MAP2K5: variants seen among roughly 807,000 people sequenced by gnomAD.
The protein encoded by MAP2K5 is mitogen-activated protein kinase kinase 5.
In MAP2K5, 49 loss-of-function variants were observed where a neutral mutation model predicts 83.1. The observed-to-expected ratio is 0.59, with a 90% CI of 0.47 to 0.75. The LOEUF (loss-of-function observed/expected upper bound fraction) is 0.75, where lower values mean the gene tolerates loss of function less well. Among genes scored for constraint, MAP2K5 ranks in the 30% least tolerant of loss-of-function variants. The probability of loss-of-function intolerance (pLI) is 0.00; values close to 1 mark genes in which losing one functional copy is unlikely to be tolerated. For missense variants in MAP2K5, 457 were observed against 557.5 expected (o/e 0.82, Z 1.82); for synonymous variants, 202 against 191.8 (o/e 1.05, Z -0.44).
Position 67,748,688 on chromosome 15 carries a change from T to C in MAP2K5, c.1134+87T>C. 3.1e-6 allele frequency: 4 copies of C among 1,278,312 alleles called. No homozygotes were observed. Among genetic ancestry groups the C allele is most frequent in the Admixed American group, 1.8e-5 (1 of 56,642 alleles). The allele number at this position is 1,278,312 out of a possible 1,614,324, so 79.2% of individuals were successfully genotyped here. A position where few individuals can be genotyped will look rare whatever the true frequency, so the allele number is the denominator to read the frequency against. On this transcript the variant is annotated intron_variant, in intron 19 of 21. Coordinates refer to ENST00000178640, the MANE Select transcript of MAP2K5 (RefSeq NM_145160.3). This position sits in a 1 kb window ranked among gnomAD's most constrained non-coding sequence, Gnocchi z 4.0. ...TATTTTGTTTCCTAATGAAGCACAATGCCCAACATCCTTGGAGCAAGTTGT... is the reference window on the plus strand; with the variant it reads ...TATTTTGTTTCCTAATGAAGCACAACGCCCAACATCCTTGGAGCAAGTTGT...
At chr15:67,598,097 C>T (rs964872071) in intron 7 of MAP2K5, among the ~76,000 whole-genome samples, 6 of 151,372 alleles carry the variant, frequency 4.0e-5, no homozygotes, top group South Asian at 2.1e-4. Context: ...CCCAGCTGCT[C>T]GGGAGGCTGA....
chr15:67,713,502 G>C (rs182746314), intron 16 of MAP2K5, among the ~76,000 whole-genome samples: 48 of 152,350 alleles, frequency 3.2e-4, no homozygotes, highest in Admixed American at 5.9e-4. Flanking sequence ...TTGGAAGGCC[G>C]AGGCGGGTTG....
At position 67,786,079 on chromosome 15, in the gene MAP2K5, G is replaced by A. The variant is rs1280617354; in HGVS notation, c.1242+13327G>A. On this transcript the variant is annotated intron_variant, in intron 21 of 21. Transcript: ENST00000178640. The surrounding 1 kb of genome is among the most constrained non-coding windows in gnomAD (Gnocchi z 4.7). Reference sequence around the variant, plus strand: ...TGAAAGTGTTTGTAAACTATGAAGTGCGAGACATACATGGGGCACGAGGTC... The same window carrying A: ...TGAAAGTGTTTGTAAACTATGAAGTACGAGACATACATGGGGCACGAGGTC... 2.6e-5 allele frequency among the ~76,000 whole-genome samples: 4 copies of A among 151,564 alleles called. No homozygotes were observed. Among genetic ancestry groups the A allele is most frequent in the Admixed American group, 1.3e-4 (2 of 15,228 alleles).
Position 67,634,367 on chromosome 15 carries a change from C to CAAAAAAAAAAAAAAAAAAA in MAP2K5, c.585+3464_585+3482dup, listed in dbSNP as rs71142390. ...TGGGTGACAGAGTAAGACCTCATCT[C>CAAAAAAAAAAAAAAAAAAA]AAAAAAAAAAAAAAAAAAAAAAAAA... On this transcript the variant is annotated intron_variant, in intron 9 of 21. Transcript: ENST00000178640. Among the ~76,000 whole-genome samples the CAAAAAAAAAAAAAAAAAAA allele has an allele frequency of 3.1e-4, 15 of 48,578 alleles. 3 individuals are homozygous for CAAAAAAAAAAAAAAAAAAA. Among genetic ancestry groups the CAAAAAAAAAAAAAAAAAAA allele is most frequent in the Non-Finnish European group, 4.4e-4 (11 of 24,804 alleles). The allele number at this position is 48,578 out of a possible 152,430, so 31.9% of individuals were successfully genotyped here.
chr15:67,566,648 A>G (rs180988942), intron 3 of MAP2K5, among the ~76,000 whole-genome samples: 1 of 152,358 alleles, frequency 6.6e-6, no homozygotes, highest in African/African-American at 2.4e-5. Context: ...ATCTCTGCAT[A>G]AGAATAAAAA....
chr15:67,588,482 A>C (rs997341748), intron 6 of MAP2K5, among the ~76,000 whole-genome samples: 1 of 152,222 alleles, frequency 6.6e-6, no homozygotes, highest in Admixed American at 6.5e-5. Context: ...ACATTGTATT[A>C]TAATCACCCC....
intron 9 of MAP2K5, among the ~76,000 whole-genome samples, chr15:67,631,633 C>T (rs2086475858): frequency 1.3e-5 from 2 of 152,180 alleles, no homozygotes; most frequent in African/African-American, 4.8e-5. Context: ...ATGTTCCAGG[C>T]AGTTACCTAG....
Position 67,547,825 on chromosome 15 carries a change from C to T in MAP2K5, c.136-2209C>T, listed in dbSNP as rs909406214. On this transcript the variant is annotated intron_variant, in intron 1 of 21. Coordinates refer to ENST00000178640, the MANE Select transcript of MAP2K5 (RefSeq NM_145160.3). Reference sequence around the variant, plus strand: ...TATATTGTCAAGAGCAGAAGAAGGCCGCTTGGAAATAAGTCACTTTAGCTG... The same window carrying T: ...TATATTGTCAAGAGCAGAAGAAGGCTGCTTGGAAATAAGTCACTTTAGCTG... 2.9e-4 allele frequency among the ~76,000 whole-genome samples: 44 copies of T among 152,084 alleles called. 1 individual carries two copies. Among genetic ancestry groups the T allele is most frequent in the Admixed American group, 2.2e-3 (34 of 15,266 alleles).
intron 19 of MAP2K5, among the ~76,000 whole-genome samples, chr15:67,763,777 G>A (rs2089994939): frequency 6.6e-6 from 1 of 151,942 alleles, no homozygotes; most frequent in Admixed American, 6.6e-5. Flanking sequence ...ACCAATTTAG[G>A]GTCTGACAGG....
chr15:67,547,757 C>T (rs927648463), intron 1 of MAP2K5, among the ~76,000 whole-genome samples: 2 of 152,140 alleles, frequency 1.3e-5, no homozygotes, highest in Admixed American at 6.5e-5. Flanking sequence ...GCGCCCATCC[C>T]GGTTTTCTTT....
chr15:67,648,454 C>T (rs1296790213), intron 11 of MAP2K5, among the ~76,000 whole-genome samples: 3 of 152,100 alleles, frequency 2.0e-5, no homozygotes, highest in African/African-American at 7.2e-5. Context: ...GGCTATACTA[C>T]ATTTTGTTTA....
intron 2 of MAP2K5, among the ~76,000 whole-genome samples, chr15:67,550,299 A>G (rs188657677): frequency 6.6e-6 from 1 of 152,318 alleles, no homozygotes; most frequent in East Asian, 1.9e-4. Flanking sequence ...ATATTTCTAC[A>G]ATATAGCTTT....
At chr15:67,583,810 AGT>A (rs2085234322) in intron 4 of MAP2K5, among the ~76,000 whole-genome samples, 1 of 152,028 alleles carries the variant, frequency 6.6e-6, no homozygotes, top group Non-Finnish European at 1.5e-5. Flanking sequence ...GCTGGAGTGC[AGT>A]GTGTGCTCAC....
chr15:67,799,349 G>C (rs549111948), intron 21 of MAP2K5, among the ~76,000 whole-genome samples: 1 of 152,374 alleles, frequency 6.6e-6, no homozygotes, highest in African/African-American at 2.4e-5. Context: ...CTCAAGTGCA[G>C]GACCTGTGCT....
At chr15:67,643,813 G>A (rs1223271385) in intron 9 of MAP2K5, among the ~76,000 whole-genome samples, 3 of 151,904 alleles carry the variant, frequency 2.0e-5, no homozygotes, top group Non-Finnish European at 4.4e-5. Flanking sequence ...CCAAATCAAC[G>A]CCTGGCCAAT....
chr15:67,664,026 C>T (rs1207770623), intron 12 of MAP2K5, among the ~76,000 whole-genome samples: 1 of 152,154 alleles, frequency 6.6e-6, no homozygotes, highest in Non-Finnish European at 1.5e-5. Context: ...TAGGTACTTC[C>T]AGATTATTTT....
At chr15:67,618,969 T>C (rs1392992573) in intron 8 of MAP2K5, among the ~76,000 whole-genome samples, 2 of 152,174 alleles carry the variant, frequency 1.3e-5, no homozygotes, top group African/African-American at 4.8e-5. Context: ...CTTATATCAC[T>C]TGGAATAAAA....
At chr15:67,639,800 A>G (rs1454668447) in intron 9 of MAP2K5, among the ~76,000 whole-genome samples, 2 of 152,106 alleles carry the variant, frequency 1.3e-5, no homozygotes, top group Non-Finnish European at 2.9e-5. Flanking sequence ...GCACTTTCTC[A>G]CTTCAACACT....
chr15:67,693,248 G>T (rs756978443), intron 14 of MAP2K5, among the ~76,000 whole-genome samples: 34 of 152,196 alleles, frequency 2.2e-4, no homozygotes, highest in South Asian at 2.1e-4. Context: ...GCGGGTTTGG[G>T]ATACTAAAGC....
Sources: gnomAD v4.1 joint callset for allele counts (sites outside exome capture counted in the v4.1 genomes callset) on GRCh38, gnomAD v4.1.1 for gene constraint, Gnocchi (gnomAD v3.1) non-coding constraint, MANE v1.5 for transcripts, NCBI Gene and HGNC (gene_info 2026-07-23, HGNC 2026-07-21) for gene names.